The following CPNE8 variants were observed in gnomAD, a reference collection of about 807,000 sequenced individuals.
CPNE8 encodes copine-8.
Under a neutral mutation model 81.5 loss-of-function variants are expected in CPNE8, and 45 were observed. The ratio of observed to expected loss-of-function variants is 0.55; its 90% CI spans 0.44 to 0.71. CPNE8 has a LOEUF of 0.71. Ranked by LOEUF, CPNE8 falls within the 30% of genes least tolerant of loss-of-function variation. The pLI, the probability that CPNE8 is intolerant of heterozygous loss-of-function variation, is 0.00. For missense variants in CPNE8, 594 were observed against 672.1 expected, an observed-to-expected ratio of 0.88 and a Z score of 1.28; for synonymous variants, 252 against 226.3, an observed-to-expected ratio of 1.11 and a Z score of -1.02.
At chr12:38,781,855 G>A (rs1363509930) in intron 6 of CPNE8, among the ~76,000 whole-genome samples, 1 of 151,958 alleles carries the variant, frequency 6.6e-6, no homozygotes, top group Non-Finnish European at 1.5e-5. Context: ...TCACACAAAT[G>A]CAAATTTAGG....
In CPNE8 at chr12:38,670,822, C is replaced by T; in HGVS notation, c.1433-20G>A. 1 of 1,572,550 alleles carries T rather than the reference C, an allele frequency of 6.4e-7. No homozygotes were observed. The highest frequency in any genetic ancestry group is 8.7e-7 in the Non-Finnish European group (1 of 1,147,284). On this transcript the variant is annotated intron_variant, in intron 18 of 19. Transcript: ENST00000331366. ...CCATTGCTTTAAGAGAAAATATGATCATTTATTCAGTACATTTTAGCCAAA... is the reference window on the plus strand; with the variant it reads ...CCATTGCTTTAAGAGAAAATATGATTATTTATTCAGTACATTTTAGCCAAA...
chr12:38,898,127 A>G (rs140364299), intron 1 of CPNE8, among the ~76,000 whole-genome samples: 1 of 152,116 alleles, frequency 6.6e-6, no homozygotes, highest in African/African-American at 2.4e-5. Context: ...AACACAAATA[A>G]CAGACCTAAA....
chr12:38,819,764 C>A (rs1019681440), intron 6 of CPNE8, among the ~76,000 whole-genome samples: 12 of 78,642 alleles, frequency 1.5e-4, no homozygotes, highest in African/African-American at 3.2e-4. Context: ...AAGACTCCGT[C>A]TCAAAAAAAA....
At position 38,693,668 on chromosome 12, in the gene CPNE8, C is replaced by T. The variant is rs747521278; in HGVS notation, c.1132G>A (p.Glu378Lys). The change falls in exon 15 of 20, where the codon GAA becomes AAA. Residue 378 changes from glutamate (E) to lysine (K), a missense_variant. Physicochemically the swap from Glu to Lys is moderately conservative, Grantham distance 56. Coordinates refer to ENST00000331366, the MANE Select transcript of CPNE8 (RefSeq NM_153634.3). ...KLPPDGRISH[E>K]FALNGNPQNP... ...TGACAAATTCTTACCAAAGCAAATT[C>T]GTGAGATATCCTTCCATCTGGAGGC... 42 of 1,607,614 alleles carry T rather than the reference C, an allele frequency of 2.6e-5. No homozygotes were observed. The highest frequency in any genetic ancestry group is 2.5e-4 in the East Asian group (11 of 44,660).
At chr12:38,771,402 C>A (rs1941799655) in intron 7 of CPNE8, among the ~76,000 whole-genome samples, 1 of 151,938 alleles carries the variant, frequency 6.6e-6, no homozygotes, top group Admixed American at 6.6e-5. Flanking sequence ...GAGCTCAAAG[C>A]CTGCAGTTAG....
chr12:38,734,890 G>T (rs1399751213), intron 10 of CPNE8, among the ~76,000 whole-genome samples: 2 of 152,026 alleles, frequency 1.3e-5, no homozygotes, highest in African/African-American at 4.8e-5. Flanking sequence ...ATAATATTTT[G>T]GAGTTACACA....
At chr12:38,779,102 T>C (rs1227691533) in intron 6 of CPNE8, among the ~76,000 whole-genome samples, 2 of 152,168 alleles carry the variant, frequency 1.3e-5, no homozygotes, top group Non-Finnish European at 2.9e-5. Context: ...GTTTAATATA[T>C]TCAGCATTAT....
chr12:38,791,466 G>GA (rs1449071845), intron 6 of CPNE8, among the ~76,000 whole-genome samples: 1 of 151,198 alleles, frequency 6.6e-6, no homozygotes, highest in Non-Finnish European at 1.5e-5. Context: ...CTTATTGGTT[G>GA]AAAAAAAGGA....
intron 14 of CPNE8, among the ~76,000 whole-genome samples, chr12:38,696,124 G>GC (rs1939789989): frequency 6.6e-6 from 1 of 152,078 alleles, no homozygotes; most frequent in East Asian, 1.9e-4. Flanking sequence ...AACATGCATA[G>GC]CTGGGCCCTT....
chr12:38,659,036 T>C (rs1249010252), intron 19 of CPNE8, among the ~76,000 whole-genome samples: 2 of 152,010 alleles, frequency 1.3e-5, no homozygotes, highest in Non-Finnish European at 2.9e-5. Context: ...CAGGATCAAA[T>C]TCACACATAA....
intron 14 of CPNE8, among the ~76,000 whole-genome samples, chr12:38,694,298 T>A (rs1340932583): frequency 2.0e-5 from 3 of 152,176 alleles, no homozygotes; most frequent in Non-Finnish European, 4.4e-5. Flanking sequence ...TATCCCAATT[T>A]AGCACTTAAA....
At chr12:38,902,877 C>G (rs985231611) in intron 1 of CPNE8, among the ~76,000 whole-genome samples, 2 of 152,112 alleles carry the variant, frequency 1.3e-5, no homozygotes, top group African/African-American at 4.8e-5. Flanking sequence ...AGCGCTTTCA[C>G]ACATCACCTT....
intron 10 of CPNE8, among the ~76,000 whole-genome samples, chr12:38,754,239 A>C (rs903422492): frequency 3.9e-5 from 6 of 152,182 alleles, no homozygotes. Flanking sequence ...CAAACACCAA[A>C]ACTGCACAGT....
At chr12:38,903,139 C>G (rs1944513601) in intron 1 of CPNE8, among the ~76,000 whole-genome samples, 11 of 152,180 alleles carry the variant, frequency 7.2e-5, no homozygotes, top group Admixed American at 7.2e-4. Flanking sequence ...TTTTCAGGAA[C>G]TATTCCCAAA....
chr12:38,806,485 C>A (rs1351369140), intron 6 of CPNE8, among the ~76,000 whole-genome samples: 1 of 150,046 alleles, frequency 6.7e-6, no homozygotes, highest in Non-Finnish European at 1.5e-5. Context: ...CATATAAACA[C>A]AACCAAAGAC....
intron 3 of CPNE8, among the ~76,000 whole-genome samples, chr12:38,868,027 T>C (rs1943940404): frequency 6.6e-6 from 1 of 152,196 alleles, no homozygotes; most frequent in Non-Finnish European, 1.5e-5. Context: ...CTTTATTTTT[T>C]CACTTATTCC....
intron 13 of CPNE8, among the ~76,000 whole-genome samples, chr12:38,719,597 A>AAG (rs1405451885): frequency 8.6e-5 from 13 of 151,306 alleles, no homozygotes; most frequent in African/African-American, 4.8e-5. Flanking sequence ...AAAAAAAAAA[A>AAG]AAAAGAAAGA....
At chr12:38,798,177 C>T (rs1942551848) in intron 6 of CPNE8, among the ~76,000 whole-genome samples, 2 of 152,076 alleles carry the variant, frequency 1.3e-5, no homozygotes, top group Non-Finnish European at 2.9e-5. Flanking sequence ...GGCCAACATT[C>T]AGATTCAGGA....
At chr12:38,834,132 C>T (rs1322172262) in intron 5 of CPNE8, among the ~76,000 whole-genome samples, 1 of 152,154 alleles carries the variant, frequency 6.6e-6, no homozygotes, top group African/African-American at 2.4e-5. Flanking sequence ...CATGTCCTAG[C>T]TGGCTTTTAA....
Sources: gnomAD v4.1 joint callset for allele counts (sites outside exome capture counted in the v4.1 genomes callset) on GRCh38, gnomAD v4.1.1 for gene constraint, MANE v1.5 for transcripts, NCBI Gene and HGNC (gene_info 2026-07-23, HGNC 2026-07-21) for gene names.